BRD9: variants seen among roughly 807,000 people sequenced by gnomAD.
BRD9 encodes bromodomain-containing protein 9.
In BRD9, 47 loss-of-function variants were observed where a neutral mutation model predicts 68.7. That is an observed-to-expected ratio of 0.68 (90% CI 0.54 to 0.87). The LOEUF (loss-of-function observed/expected upper bound fraction) is 0.87. BRD9 is among the 40% of genes least tolerant of loss of function. The probability of loss-of-function intolerance (pLI) is 0.00; values close to 1 mark genes in which losing one functional copy is unlikely to be tolerated. For missense variants in BRD9, 670 were observed against 748.4 expected (o/e 0.90, Z 1.22); for synonymous variants, 313 against 293.9 (o/e 1.06, Z -0.67).
rs1560888323 is a variant in BRD9, at chr5:865,467, G to A, written c.1640C>T (p.Ser547Leu). ...AQAERGGSRPSSNLSSLSNAS... is the reference protein window; with the variant it reads ...AQAERGGSRPLSNLSSLSNAS... ...GTTGGACAGGGAGCTGAGGTTGGAC[G>A]ACGGCCGAGAGCCGCCGCGCTCCGC... Residue 547 changes from serine (S) to leucine (L), a missense_variant, in exon 15 of 16, where the codon TCG becomes TTG. Around this residue, in one of 5 missense-constraint regions of BRD9, gnomAD observed 280 missense variants for 281.5 expected, o/e 0.99. Coordinates refer to ENST00000467963, the MANE Select transcript of BRD9 (RefSeq NM_023924.5). The A allele has an allele frequency of 1.3e-6, 2 of 1,599,460 alleles. No homozygotes were observed. Among genetic ancestry groups the A allele is most frequent in the South Asian group, 1.1e-5 (1 of 90,764 alleles).
intron 11 of BRD9, 129 bp from the exon 12 acceptor site, chr5:876,341 A>G: frequency 4.7e-6 from 3 of 633,942 alleles, no homozygotes; most frequent in Non-Finnish European, 8.2e-6. Context: ...CAGAGCGGGT[A>G]TTTTGTGGGG....
chr5:865,811 A>C (rs1436753766), intron 14 of BRD9: 1 of 516,642 alleles, frequency 1.9e-6, no homozygotes. Flanking sequence ...GCTCAAGCAA[A>C]GCATCAGACA....
chr5:864,015 CAG>C lies in BRD9; in HGVS notation c.*451_*452del, dbSNP rs967100428. 1.9e-5 allele frequency: 3 copies of C among 157,766 alleles called. No individual in the cohort carries two copies. Among genetic ancestry groups the C allele is most frequent in the African/African-American group, 7.2e-5 (3 of 41,530 alleles). The allele number at this position is 157,766 out of a possible 1,614,324, so 9.8% of individuals were successfully genotyped here. On this transcript the variant is annotated 3_prime_UTR_variant, in exon 16 of 16. Transcript: ENST00000467963. ...AGCGACCCCAGGACAGTGGGGCAGACAGAGGTGTCTACACTGGCAGAAACAAG... is the reference window on the plus strand; with the variant it reads ...AGCGACCCCAGGACAGTGGGGCAGACAGGTGTCTACACTGGCAGAAACAAG...
intron 5 of BRD9, among the ~76,000 whole-genome samples, 157 bp from the exon 6 acceptor site, chr5:887,628 A>G (rs543410636): frequency 2.6e-5 from 4 of 152,382 alleles, no homozygotes; most frequent in Admixed American, 2.0e-4. Flanking sequence ...TAAGAACTTA[A>G]GAGAAGTTTT....
rs115590995 is a variant in BRD9 at position 887,610 on chromosome 5, A to G, written c.607-139T>C. ...TTCAACTGGGCTCTCTGATCTAAAC[A>G]TAACGTTTAAGAACTTAAGAGAAGT... On this transcript the variant is annotated intron_variant, in intron 5 of 15. Coordinates refer to ENST00000467963, the MANE Select transcript of BRD9 (RefSeq NM_023924.5). The G allele has an allele frequency of 5.7e-4, 402 of 700,674 alleles. 2 individuals are homozygous for G. In the African/African-American group the frequency reaches 6.4e-3, roughly 11 times the overall value. 43.4% of individuals were successfully genotyped at this position (700,674 alleles called of 1,614,324 possible).
chr5:892,760 G>T lies in BRD9; in HGVS notation c.-103C>A. The T allele has an allele frequency of 8.7e-7, 1 of 1,155,622 alleles. No individual in the cohort carries two copies. The highest frequency in any genetic ancestry group is 1.1e-6 in the Non-Finnish European group (1 of 920,196). The allele number at this position is 1,155,622 out of a possible 1,614,324, so 71.6% of individuals were successfully genotyped here. A position where few individuals can be genotyped will look rare whatever the true frequency, so the allele number is the denominator to read the frequency against. On this transcript the variant is annotated 5_prime_UTR_variant, in exon 1 of 16. Transcript: ENST00000467963. Reference sequence around the variant, plus strand: ...TGGCCCTGGCTGGCCGCCCGCGCTCGCTGCGCCGAGGTTGCCGAGCTCGCT... The same window carrying T: ...TGGCCCTGGCTGGCCGCCCGCGCTCTCTGCGCCGAGGTTGCCGAGCTCGCT...
chr5:890,973 C>T (rs1560933847), intron 3 of BRD9, among the ~76,000 whole-genome samples, 182 bp downstream of exon 3: 1 of 152,198 alleles, frequency 6.6e-6, no homozygotes, highest in Non-Finnish European at 1.5e-5. Context: ...CCACGCCTTG[C>T]TCTAGACATT....
At chr5:884,822 C>T (rs1250066983) in intron 7 of BRD9, among the ~76,000 whole-genome samples, 2 of 152,254 alleles carry the variant, frequency 1.3e-5, no homozygotes, top group African/African-American at 2.4e-5. Flanking sequence ...CCATGAGCTC[C>T]GCAGGGAGGG....
chr5:881,410 G>C (rs940886450), intron 8 of BRD9: 17 of 581,908 alleles, frequency 2.9e-5, no homozygotes, highest in South Asian at 2.3e-4. Context: ...CCTGCTATAG[G>C]GGGTACAGCT....
rs141118788 is a variant in BRD9, at chr5:885,935, C to T, written c.833+657G>A. On this transcript the variant is annotated intron_variant, in intron 7 of 15. Transcript: ENST00000467963. ...TTGATACAATCTCAATGCTCAGCCACCATGAGACAAAGAGCCCCCATGAAA... is the reference window on the plus strand; with the variant it reads ...TTGATACAATCTCAATGCTCAGCCATCATGAGACAAAGAGCCCCCATGAAA... 3.6e-3 allele frequency among the ~76,000 whole-genome samples: 555 copies of T among 152,294 alleles called. 2 individuals are homozygous for T. Among genetic ancestry groups the T allele is most frequent in the South Asian group, 0.028 (133 of 4,824 alleles).
chr5:865,732 G>T, intron 14 of BRD9, 151 bp from the exon 15 acceptor site: 1 of 804,306 alleles, frequency 1.2e-6, no homozygotes, highest in Non-Finnish European at 1.9e-6. Context: ...GCAGACAGGT[G>T]GACAGGCCTG....
chr5:882,782 G>A lies in BRD9; in HGVS notation c.966+1156C>T, dbSNP rs537449515. On this transcript the variant is annotated intron_variant, in intron 8 of 15. Transcript: ENST00000467963. ...TGCAACCTCCCAACACACGAGCCAC[G>A]CAAACCACAGCAACTTCCCAACACA... Among the ~76,000 whole-genome samples the A allele has an allele frequency of 2.3e-4, 33 of 141,432 alleles. 1 individual carries two copies. In the South Asian group the frequency reaches 3.5e-3, roughly 15 times the overall value. 92.8% of individuals were successfully genotyped at this position (141,432 alleles called of 152,430 possible).
At chr5:892,395 C>T in intron 1 of BRD9, 2 of 1,177,966 alleles carry the variant, frequency 1.7e-6, no homozygotes, top group African/African-American at 3.3e-5. Context: ...AACCCAGAAC[C>T]CTCTACCAGG....
chr5:871,656 T>C lies in BRD9; in HGVS notation c.1384-92A>G, dbSNP rs976966652. Reference sequence around the variant, plus strand: ...GACATTACACACACGTAAAAATGGCTTGTGCGCTTCTGCGAATTCTGCTCC... The same window carrying C: ...GACATTACACACACGTAAAAATGGCCTGTGCGCTTCTGCGAATTCTGCTCC... On this transcript the variant is annotated intron_variant, in intron 12 of 15. Coordinates refer to ENST00000467963, the MANE Select transcript of BRD9 (RefSeq NM_023924.5). 1.3e-5 allele frequency: 16 copies of C among 1,242,946 alleles called. No homozygotes were observed. The African/African-American group carries it at 2.2e-4, about 17-fold the overall frequency. The allele number at this position is 1,242,946 out of a possible 1,614,324, so 77.0% of individuals were successfully genotyped here. A position where few individuals can be genotyped will look rare whatever the true frequency, so the allele number is the denominator to read the frequency against.
At chr5:875,437 TC>T (rs1234400913) in intron 12 of BRD9, among the ~76,000 whole-genome samples, 2 of 151,008 alleles carry the variant, frequency 1.3e-5, no homozygotes, top group Non-Finnish European at 2.9e-5. Flanking sequence ...AAGCTCTGCC[TC>T]CCGGGTTCAT....
At chr5:876,314 G>C (rs544399075) in intron 11 of BRD9, 102 bp from the exon 12 acceptor site, 1 of 809,654 alleles carries the variant, frequency 1.2e-6, no homozygotes, top group Non-Finnish European at 2.0e-6. Flanking sequence ...GCAGCTCCTC[G>C]GTCCCCGTGA....
At chr5:884,557 G>A (rs931589825) in intron 7 of BRD9, among the ~76,000 whole-genome samples, 2 of 152,256 alleles carry the variant, frequency 1.3e-5, no homozygotes, top group Non-Finnish European at 2.9e-5. Flanking sequence ...ACACAAGGAC[G>A]TCAGCAAGTG....
At chr5:883,158 G>A in intron 8 of BRD9, 1 of 369,046 alleles carries the variant, frequency 2.7e-6, no homozygotes. Context: ...TTCCCAGCAG[G>A]CACAGGCAAA....
intron 14 of BRD9, among the ~76,000 whole-genome samples, chr5:866,814 A>T (rs533942978): frequency 6.6e-6 from 1 of 152,304 alleles, no homozygotes; most frequent in South Asian, 2.1e-4. Flanking sequence ...CAAACAGAAA[A>T]ATGACCTGAA....
Sources: allele counts gnomAD v4.1 joint callset (sites outside exome capture counted in the v4.1 genomes callset), GRCh38; gene constraint gnomAD v4.1.1; regional missense constraint gnomAD v4.1.1; transcripts MANE v1.5; gene names NCBI Gene and HGNC (gene_info 2026-07-23, HGNC 2026-07-21).